The following EHBP1 variants were observed in gnomAD, a reference collection of about 807,000 sequenced individuals.
EHBP1 encodes the protein EH domain-binding protein 1.
EHBP1 carries 55 observed loss-of-function variants against 144.0 expected under a neutral mutation model. That is an observed-to-expected ratio of 0.38 (90% CI 0.31 to 0.48). The LOEUF (loss-of-function observed/expected upper bound fraction) is 0.48. Among genes scored for constraint, EHBP1 ranks in the 20% least tolerant of loss-of-function variants. The probability of loss-of-function intolerance (pLI) is 0.98; values close to 1 mark genes in which losing one functional copy is unlikely to be tolerated. For missense variants in EHBP1, 1,200 were observed against 1,364.2 expected (o/e 0.88, Z 1.90); for synonymous variants, 469 against 472.7 (o/e 0.99, Z 0.10).
intron 5 of EHBP1, among the ~76,000 whole-genome samples, chr2:62,824,922 TTTC>T (rs982869576): frequency 2.0e-5 from 3 of 152,054 alleles, no homozygotes; most frequent in African/African-American, 7.2e-5. Context: ...AATGGTAGTT[TTTC>T]TTGTCTTGGT....
intron 9 of EHBP1, among the ~76,000 whole-genome samples, chr2:62,872,325 A>G (rs1168212829): frequency 6.6e-6 from 1 of 152,154 alleles, no homozygotes. Context: ...TATTACTCAA[A>G]TATACAATAC....
intron 7 of EHBP1, among the ~76,000 whole-genome samples, chr2:62,831,746 C>A (rs1392297495): frequency 6.6e-6 from 1 of 152,130 alleles, no homozygotes; most frequent in Non-Finnish European, 1.5e-5. Context: ...TGTCATACTT[C>A]TATTATTGCT....
intron 7 of EHBP1, among the ~76,000 whole-genome samples, chr2:62,837,525 A>G (rs2047379789): frequency 6.6e-6 from 1 of 152,170 alleles, no homozygotes; most frequent in Non-Finnish European, 1.5e-5. Context: ...AAATGCTCCA[A>G]TTAAAAGACA....
intron 3 of EHBP1, among the ~76,000 whole-genome samples, chr2:62,759,232 T>G (rs1236058075): frequency 6.6e-6 from 1 of 152,198 alleles, no homozygotes; most frequent in Non-Finnish European, 1.5e-5. Context: ...CCATTAGCTG[T>G]ACTAGGATAT....
At chr2:62,750,650 T>G (rs6727408) in intron 3 of EHBP1, among the ~76,000 whole-genome samples, 1 of 152,200 alleles carries the variant, frequency 6.6e-6, no homozygotes, top group African/African-American at 2.4e-5. Flanking sequence ...GTGTCCTCTT[T>G]TATTTCGCTG....
intron 5 of EHBP1, among the ~76,000 whole-genome samples, chr2:62,789,695 G>A (rs954313844): frequency 2.6e-5 from 4 of 152,150 alleles, no homozygotes; most frequent in Non-Finnish European, 1.5e-5. Flanking sequence ...CCACTGCACT[G>A]GCAGTCTCAT....
At chr2:62,716,327 G>C (rs1424576404) in intron 2 of EHBP1, among the ~76,000 whole-genome samples, 1 of 152,124 alleles carries the variant, frequency 6.6e-6, no homozygotes, top group African/African-American at 2.4e-5. Context: ...ATGACTCCCT[G>C]CTAATCTTAG....
At chr2:62,967,701 T>C (rs1317731135) in intron 14 of EHBP1, among the ~76,000 whole-genome samples, 1 of 152,130 alleles carries the variant, frequency 6.6e-6, no homozygotes, top group East Asian at 1.9e-4. Flanking sequence ...TATAAAATGA[T>C]GAAAAGACAA....
At chr2:62,676,936 G>A (rs2033318707) in intron 1 of EHBP1, among the ~76,000 whole-genome samples, 2 of 152,204 alleles carry the variant, frequency 1.3e-5, no homozygotes, top group Admixed American at 6.5e-5. Context: ...CACTTTGGGA[G>A]GCCAAGGCAG....
intron 7 of EHBP1, among the ~76,000 whole-genome samples, chr2:62,846,529 A>G (rs942174419): frequency 6.6e-6 from 1 of 152,236 alleles, no homozygotes; most frequent in Non-Finnish European, 1.5e-5. Context: ...AGCTACAGCT[A>G]ACATCATATT....
chr2:62,990,614 T>G, intron 15 of EHBP1, 102 bp from the exon 16 acceptor site: 4 of 1,258,402 alleles, frequency 3.2e-6, no homozygotes, highest in Non-Finnish European at 3.3e-6. Flanking sequence ...TTCTTCTTTC[T>G]TTTAAAATAT....
intron 10 of EHBP1, among the ~76,000 whole-genome samples, chr2:62,888,216 A>G (rs2052105231): frequency 6.6e-6 from 1 of 152,208 alleles, no homozygotes; most frequent in Admixed American, 6.5e-5. Context: ...AGTCCCAGCC[A>G]TGGTGCACAG....
chr2:62,949,566 C>A (rs2057268155), intron 13 of EHBP1, among the ~76,000 whole-genome samples: 1 of 152,114 alleles, frequency 6.6e-6, no homozygotes. Context: ...AAAAATATTA[C>A]TTATAAAAAC....
intron 2 of EHBP1, among the ~76,000 whole-genome samples, chr2:62,733,023 A>T (rs949390404): frequency 2.0e-5 from 3 of 152,048 alleles, no homozygotes; most frequent in Non-Finnish European, 4.4e-5. Flanking sequence ...TTCCAGTAAC[A>T]CCCTTAGCAT....
chr2:62,982,519 G>A (rs2059015366), intron 15 of EHBP1, among the ~76,000 whole-genome samples: 1 of 152,096 alleles, frequency 6.6e-6, no homozygotes. Context: ...TTAAGTCAGG[G>A]GAAAGAATTA....
chr2:62,948,228 C>T lies in EHBP1; in HGVS notation c.1414-32C>T, dbSNP rs962796098. ...AAATGTGTGAATTATATGAACTGTTCAATATATCTTTTGTTTTTCCTTCCT... is the reference window on the plus strand; with the variant it reads ...AAATGTGTGAATTATATGAACTGTTTAATATATCTTTTGTTTTTCCTTCCT... On this transcript the variant is annotated intron_variant, in intron 12 of 22. Transcript: ENST00000431489. The T allele has an allele frequency of 2.0e-6, 3 of 1,507,580 alleles. No individual in the cohort carries two copies. The African/African-American group carries it at 4.2e-5, about 21-fold the overall frequency. 93.4% of individuals were successfully genotyped at this position (1,507,580 alleles called of 1,614,324 possible). A position where few individuals can be genotyped will look rare whatever the true frequency, so the allele number is the denominator to read the frequency against.
Position 62,971,719 on chromosome 2 carries a change from G to C in EHBP1, c.2461-7469G>C, listed in dbSNP as rs117992229. Among the ~76,000 whole-genome samples, 160 of 152,296 alleles carry C rather than the reference G, an allele frequency of 1.1e-3. 6 individuals are homozygous for C. In the East Asian group the frequency reaches 0.024, roughly 23 times the overall value. On this transcript the variant is annotated intron_variant, in intron 14 of 22. Coordinates refer to ENST00000431489, the MANE Select transcript of EHBP1 (RefSeq NM_001142616.3). Reference sequence around the variant, plus strand: ...TATCTCAGAGTTGTAAGGAGTAAATGAGACAACACATATACATGTGTGAGC... The same window carrying C: ...TATCTCAGAGTTGTAAGGAGTAAATCAGACAACACATATACATGTGTGAGC...
At chr2:62,906,900 A>G (rs1333455453) in intron 10 of EHBP1, among the ~76,000 whole-genome samples, 3 of 152,210 alleles carry the variant, frequency 2.0e-5, no homozygotes, top group Non-Finnish European at 4.4e-5. Context: ...TGAATCATAT[A>G]ACCTTTTGGA....
intron 14 of EHBP1, among the ~76,000 whole-genome samples, chr2:62,968,024 A>G (rs1056628937): frequency 6.6e-6 from 1 of 152,104 alleles, no homozygotes; most frequent in African/African-American, 2.4e-5. Context: ...TCGTATTTTG[A>G]GCAAAAGTAC....
Sources: gnomAD v4.1 joint callset for allele counts (sites outside exome capture counted in the v4.1 genomes callset) on GRCh38, gnomAD v4.1.1 for gene constraint, MANE v1.5 for transcripts, NCBI Gene and HGNC (gene_info 2026-07-23, HGNC 2026-07-21) for gene names.